PTPRN2: variants seen among roughly 807,000 people sequenced by gnomAD.
PTPRN2 encodes protein tyrosine phosphatase receptor type N2.
Under a neutral mutation model 118.8 loss-of-function variants are expected in PTPRN2, and 74 were observed. The ratio of observed to expected loss-of-function variants is 0.62; its 90% confidence interval spans 0.52 to 0.76. The LOEUF is 0.76. PTPRN2 is among the 30% of genes least tolerant of loss of function. PTPRN2 has a pLI of 0.00. For synonymous variants in PTPRN2, 641 were observed against 608.0 expected (o/e 1.05, Z -0.80); for missense variants, 1,481 against 1,394.4 (o/e 1.06, Z -0.99).
At chr7:157,711,899 G>A (rs1197224348) in intron 12 of PTPRN2, among the ~76,000 whole-genome samples, 2 of 146,914 alleles carry the variant, frequency 1.4e-5, no homozygotes, top group African/African-American at 5.1e-5. Flanking sequence ...AGGGGCTGTA[G>A]CCTCCAGTGT....
In PTPRN2 at chr7:157,682,841, C is replaced by T. The variant is rs368579481; in HGVS notation, c.1885G>A (p.Val629Ile). Residue 629 changes from valine to isoleucine, a missense_variant, in exon 13 of 23, where the codon GTC becomes ATC. By Grantham distance (29) the Val-to-Ile change is conservative. Transcript: ENST00000389418. Reference protein sequence around the residue: ...TLVSLACILGVLLASGLIYCL... With the variant: ...TLVSLACILGILLASGLIYCL... ...TAGATGAGGCCAGAGGCCAGGAGGA[C>T]GCCCAGGATGCAGGCGAGGGAGACC... The T allele has an allele frequency of 1.5e-5, 25 of 1,613,848 alleles. No homozygotes were observed. Among genetic ancestry groups the T allele is most frequent in the East Asian group, 6.7e-5 (3 of 44,908 alleles).
chr7:157,669,483 A>G, intron 13 of PTPRN2: 1 of 468,820 alleles, frequency 2.1e-6, no homozygotes, highest in Non-Finnish European at 4.3e-6. Flanking sequence ...AGCCAGGGCC[A>G]CAGAGCTCTG....
In PTPRN2 at chr7:157,642,814, C is replaced by CAAAAAAAAAAAAAAAAAAAAAAAAAA. The variant is rs11335302; in HGVS notation, c.2196+13517_2196+13542dup. Among the ~76,000 whole-genome samples, 25 of 24,220 alleles carry CAAAAAAAAAAAAAAAAAAAAAAAAAA rather than the reference C, an allele frequency of 1.0e-3. 7 individuals carry two copies. Among genetic ancestry groups the CAAAAAAAAAAAAAAAAAAAAAAAAAA allele is most frequent in the East Asian group, 4.4e-3 (2 of 452 alleles). 15.9% of individuals were successfully genotyped at this position (24,220 alleles called of 152,430 possible). On this transcript the variant is annotated intron_variant, in intron 14 of 22. Transcript: ENST00000389418. ...AAGGGTCTACCAAGTCAAGAAACAG[C>CAAAAAAAAAAAAAAAAAAAAAAAAAA]AAAAAAAAAAAAAAAAAAAAAAAAA...
intron 2 of PTPRN2, among the ~76,000 whole-genome samples, chr7:158,407,640 G>T (rs192580836): frequency 0.018 from 1,363 of 76,282 alleles, 261 homozygotes; most frequent in Middle Eastern, 0.064. Flanking sequence ...CCTGCGTCCT[G>T]GGTCCTGGGT....
At chr7:158,167,791 A>G (rs1442263290) in intron 5 of PTPRN2, among the ~76,000 whole-genome samples, 2 of 152,172 alleles carry the variant, frequency 1.3e-5, no homozygotes, top group East Asian at 1.9e-4. Flanking sequence ...CCCTAAGCAT[A>G]ATGTCCTCAG....
chr7:158,489,676 G>A, intron 2 of PTPRN2, 59 bp downstream of exon 2: 1 of 1,510,038 alleles, frequency 6.6e-7, no homozygotes, highest in African/African-American at 1.4e-5. Flanking sequence ...GCTGGGCGCT[G>A]CGCACGGCGG....
intron 2 of PTPRN2, among the ~76,000 whole-genome samples, chr7:158,380,126 A>G (rs146313385): frequency 2.0e-5 from 3 of 152,294 alleles, no homozygotes; most frequent in African/African-American, 7.2e-5. Flanking sequence ...GCCAAACCAT[A>G]TCATTATGCC....
rs111986817 is a variant in PTPRN2 at position 158,544,394 on chromosome 7, G to C, written c.112+43164C>G. Among the ~76,000 whole-genome samples, 3,748 of 152,178 alleles carry C rather than the reference G, an allele frequency of 0.025. 160 individuals carry two copies. Among genetic ancestry groups the C allele is most frequent in the African/African-American group, 0.084 (3,489 of 41,466 alleles). Reference sequence around the variant, plus strand: ...CTCATGCCTGTAATCCCAGCACTTTGGGAGGCCAAGGCGGATGGATCACTT... The same window carrying C: ...CTCATGCCTGTAATCCCAGCACTTTCGGAGGCCAAGGCGGATGGATCACTT... On this transcript the variant is annotated intron_variant, in intron 1 of 22. Transcript: ENST00000389418. This position sits in a 1 kb window ranked among gnomAD's most constrained non-coding sequence, Gnocchi z 4.2.
intron 12 of PTPRN2, among the ~76,000 whole-genome samples, chr7:157,777,435 G>A (rs1213966188): frequency 6.8e-6 from 1 of 146,848 alleles, no homozygotes; most frequent in Non-Finnish European, 1.5e-5. Context: ...CAGCCTTCTT[G>A]ATGCCGGAGG....
In PTPRN2 at chr7:158,299,882, G is replaced by A. The variant is rs369226318; in HGVS notation, c.277+16937C>T. Among the ~76,000 whole-genome samples, 8 of 152,298 alleles carry A rather than the reference G, an allele frequency of 5.3e-5. 1 individual carries two copies. In the South Asian group the frequency reaches 1.7e-3, roughly 32 times the overall value. ...CCCAGCAAAATGAGCACCTTGGTCTGGGAGGAGAACGTCCCTGAAAGGCCC... is the reference window on the plus strand; with the variant it reads ...CCCAGCAAAATGAGCACCTTGGTCTAGGAGGAGAACGTCCCTGAAAGGCCC... On this transcript the variant is annotated intron_variant, in intron 3 of 22. Coordinates refer to ENST00000389418, the MANE Select transcript of PTPRN2 (RefSeq NM_002847.5).
At chr7:158,074,070 C>T (rs548682111) in intron 11 of PTPRN2, among the ~76,000 whole-genome samples, 1 of 152,344 alleles carries the variant, frequency 6.6e-6, no homozygotes, top group Admixed American at 6.5e-5. Context: ...TCTAACCCCA[C>T]GGGGCCTGGG....
intron 11 of PTPRN2, among the ~76,000 whole-genome samples, chr7:157,900,792 A>G (rs1797394872): frequency 6.6e-6 from 1 of 152,174 alleles, no homozygotes; most frequent in African/African-American, 2.4e-5. Flanking sequence ...TCCCCTGCAT[A>G]ACAGAATTGT....
chr7:157,591,788 T>C lies in PTPRN2; in HGVS notation c.2496+3450A>G, dbSNP rs1800998342. Among the ~76,000 whole-genome samples the C allele has an allele frequency of 6.6e-6, 1 of 152,204 alleles. No homozygotes were observed. The highest frequency in any genetic ancestry group is 1.5e-5 in the Non-Finnish European group (1 of 68,028). On this transcript the variant is annotated intron_variant, in intron 17 of 22. Transcript: ENST00000389418. This position sits in a 1 kb window ranked among gnomAD's most constrained non-coding sequence, Gnocchi z 4.4. ...AGGAAGCAACTCTCCTCCATCCTGC[T>C]CTGTGTGGATTTATGGCATCGATGG...
chr7:158,359,017 C>A (rs1808616822), intron 2 of PTPRN2, among the ~76,000 whole-genome samples: 1 of 152,110 alleles, frequency 6.6e-6, no homozygotes, highest in African/African-American at 2.4e-5. Context: ...GGACGCCATC[C>A]CCACTCTAAG....
In PTPRN2 at chr7:157,876,675, G is replaced by A. The variant is rs77541000; in HGVS notation, c.1788+21998C>T. Among the ~76,000 whole-genome samples the A allele has an allele frequency of 7.7e-3, 1,171 of 152,300 alleles. 42 individuals are homozygous for A. In the East Asian group the frequency reaches 0.085, roughly 11 times the overall value. On this transcript the variant is annotated intron_variant, in intron 12 of 22. Coordinates refer to ENST00000389418, the MANE Select transcript of PTPRN2 (RefSeq NM_002847.5). ...CCCCCACGTGGGGCTGGGAGAGGCC[G>A]CACTGCACCCCAAGAGTGAGGATGG...
intron 11 of PTPRN2, among the ~76,000 whole-genome samples, chr7:158,068,097 G>A (rs1423189842): frequency 6.6e-6 from 1 of 152,230 alleles, no homozygotes. Flanking sequence ...GTGGGCAACA[G>A]GACTTGGTGG....
chr7:158,119,111 A>G (rs947031396), intron 9 of PTPRN2, among the ~76,000 whole-genome samples: 2 of 152,226 alleles, frequency 1.3e-5, no homozygotes, highest in African/African-American at 4.8e-5. Flanking sequence ...AAATATTTAC[A>G]TCACTATTTA....
At chr7:158,176,080 C>T (rs1253301930) in intron 5 of PTPRN2, among the ~76,000 whole-genome samples, 1 of 152,166 alleles carries the variant, frequency 6.6e-6, no homozygotes, top group Admixed American at 6.5e-5. Flanking sequence ...CTACTTTGCC[C>T]GCCACTCTTC....
intron 12 of PTPRN2, among the ~76,000 whole-genome samples, chr7:157,872,290 T>C (rs1811126725): frequency 1.6e-5 from 2 of 121,790 alleles, no homozygotes; most frequent in African/African-American, 6.6e-5. Flanking sequence ...CCCAGTGTCC[T>C]CCCCACACAC....
Sources: gnomAD v4.1 joint callset for allele counts (sites outside exome capture counted in the v4.1 genomes callset) on GRCh38, gnomAD v4.1.1 for gene constraint, Gnocchi (gnomAD v3.1) non-coding constraint, MANE v1.5 for transcripts, NCBI Gene and HGNC (gene_info 2026-07-23, HGNC 2026-07-21) for gene names.